The following ADGRL1 variants were observed in gnomAD, a reference collection of about 807,000 sequenced individuals.
The protein encoded by ADGRL1 is adhesion G protein-coupled receptor L1.
In ADGRL1, 31 loss-of-function variants were observed where a neutral mutation model predicts 148.9. That is an observed-to-expected ratio of 0.21 (90% CI 0.16 to 0.28). The LOEUF is 0.28. ADGRL1 is among the 10% of genes least tolerant of loss of function. The pLI, the probability that ADGRL1 is intolerant of heterozygous loss-of-function variation, is 1.00. For synonymous variants in ADGRL1, 937 were observed against 900.3 expected, an observed-to-expected ratio of 1.04 and a Z score of -0.73; for missense variants, 1,521 against 2,058.8, an observed-to-expected ratio of 0.74 and a Z score of 5.05.
At chr19:14,178,845 G>C (rs182236730) in intron 2 of ADGRL1, among the ~76,000 whole-genome samples, 1 of 152,198 alleles carries the variant, frequency 6.6e-6, no homozygotes. Flanking sequence ...AGTGTACAGG[G>C]GGAAGACAAT....
At position 14,160,763 on chromosome 19, in the gene ADGRL1, AGGGGGAAAGGAGATGACAGAGAGT is replaced by A; in HGVS notation, c.1511-91_1511-68del. The A allele has an allele frequency of 1.1e-6, 1 of 901,518 alleles. No homozygotes were observed. Among genetic ancestry groups the A allele is most frequent in the Non-Finnish European group, 1.8e-6 (1 of 544,066 alleles). 55.8% of individuals were successfully genotyped at this position (901,518 alleles called of 1,614,324 possible). A position where few individuals can be genotyped will look rare whatever the true frequency, so the allele number is the denominator to read the frequency against. On this transcript the variant is annotated intron_variant, in intron 6 of 22. Coordinates refer to ENST00000361434, the MANE Select transcript of ADGRL1 (RefSeq NM_014921.5). This position sits in a 1 kb window ranked among gnomAD's most constrained non-coding sequence, Gnocchi z 5.9. ...GGAAGAAGAGAAGGATGGGACAGAG[AGGGGGAAAGGAGATGACAGAGAGT>A]GGGGGACGAGCGGGCGAAGAGGGAG...
chr19:14,194,347 G>A (rs1972126371), intron 1 of ADGRL1, among the ~76,000 whole-genome samples: 1 of 152,206 alleles, frequency 6.6e-6, no homozygotes, highest in South Asian at 2.1e-4. Context: ...CAGAGATGGG[G>A]GCAAGGGCCT....
chr19:14,202,560 G>A (rs954435465), intron 1 of ADGRL1, among the ~76,000 whole-genome samples: 4 of 152,152 alleles, frequency 2.6e-5, no homozygotes, highest in African/African-American at 9.7e-5. Flanking sequence ...GCTGATAGGA[G>A]AGCTTTGATG....
intron 1 of ADGRL1, among the ~76,000 whole-genome samples, chr19:14,184,232 G>A (rs1036377554): frequency 1.3e-5 from 2 of 152,114 alleles, no homozygotes; most frequent in African/African-American, 2.4e-5. Flanking sequence ...AACCAGGGAC[G>A]CCCGAGTCCC....
chr19:14,204,011 C>T (rs1245491550), intron 1 of ADGRL1, among the ~76,000 whole-genome samples: 3 of 151,324 alleles, frequency 2.0e-5, no homozygotes, highest in African/African-American at 7.3e-5. Flanking sequence ...TGAGCGCACA[C>T]GTATGTCGCA....
At chr19:14,171,858 C>G (rs1970495282) in intron 3 of ADGRL1, among the ~76,000 whole-genome samples, 1 of 152,218 alleles carries the variant, frequency 6.6e-6, no homozygotes, top group South Asian at 2.1e-4. Context: ...CTGTCTGTCC[C>G]CACTGTCAGG....
At chr19:14,154,042 C>G (rs1321520256) in intron 18 of ADGRL1, among the ~76,000 whole-genome samples, 1 of 151,988 alleles carries the variant, frequency 6.6e-6, no homozygotes, top group Admixed American at 6.5e-5. Context: ...CCTGAGGGTC[C>G]ACATCTAGGT....
At chr19:14,183,948 G>C (rs1306222327) in intron 1 of ADGRL1, among the ~76,000 whole-genome samples, 1 of 152,154 alleles carries the variant, frequency 6.6e-6, no homozygotes, top group East Asian at 1.9e-4. Context: ...GAACCTCCTG[G>C]GACAGCTCAC....
chr19:14,158,422 T>C lies in ADGRL1; in HGVS notation c.2280A>G (p.Ser760=). Residue 760 remains serine (S), a synonymous_variant, in exon 12 of 23, where the codon TCA becomes TCG. Transcript: ENST00000361434. ...GPGGASLVVN[S]QVIAASINKE... ...TGTTGATGGATGCTGCGATGACCTG[T>C]GAGTTCACCACTAGAGAGGCGCCCC... 6.2e-7 allele frequency: 1 copy of C among 1,613,776 alleles called. No homozygotes were observed. The highest frequency in any genetic ancestry group is 2.2e-5 in the East Asian group (1 of 44,874).
intron 3 of ADGRL1, among the ~76,000 whole-genome samples, chr19:14,171,443 AAAC>A (rs1970462559): frequency 2.6e-5 from 4 of 152,112 alleles, no homozygotes; most frequent in African/African-American, 9.7e-5. Flanking sequence ...GTCACCCGCT[AAAC>A]AGTGCTTTCC....
At chr19:14,186,129 G>C (rs949320256) in intron 1 of ADGRL1, among the ~76,000 whole-genome samples, 12 of 152,228 alleles carry the variant, frequency 7.9e-5, no homozygotes, top group Admixed American at 6.5e-4. Flanking sequence ...TGAAATCATG[G>C]CTCACTGCAG....
Position 14,156,589 on chromosome 19 carries a change from A to G in ADGRL1, c.3033+69T>C, listed in dbSNP as rs866947767. The G allele has an allele frequency of 4.3e-3, 3,418 of 795,916 alleles. 106 individuals are homozygous for G. In the African/African-American group the frequency reaches 0.13, roughly 31 times the overall value. The allele number at this position is 795,916 out of a possible 1,614,324, so 49.3% of individuals were successfully genotyped here. A position where few individuals can be genotyped will look rare whatever the true frequency, so the allele number is the denominator to read the frequency against. Reference sequence around the variant, plus strand: ...TGTGGGGGGGGTGGGGGGCGGGGGCAGGGGCTGGGGTCAAGGCCAGCCTGG... The same window carrying G: ...TGTGGGGGGGGTGGGGGGCGGGGGCGGGGGCTGGGGTCAAGGCCAGCCTGG... On this transcript the variant is annotated intron_variant, in intron 16 of 22. Transcript: ENST00000361434.
At chr19:14,168,785 G>C (rs568932497) in intron 4 of ADGRL1, 1 of 151,866 alleles carries the variant, frequency 6.6e-6, no homozygotes, top group South Asian at 2.1e-4. Flanking sequence ...AGCAATAATC[G>C]TAATTGACAA....
chr19:14,179,712 G>C (rs893865479), intron 2 of ADGRL1, among the ~76,000 whole-genome samples: 1 of 151,778 alleles, frequency 6.6e-6, no homozygotes, highest in African/African-American at 2.4e-5. Context: ...TTTGAGACCA[G>C]CCTGGCCAAC....
At chr19:14,189,772 G>A (rs771952272) in intron 1 of ADGRL1, among the ~76,000 whole-genome samples, 1 of 152,110 alleles carries the variant, frequency 6.6e-6, no homozygotes, top group Non-Finnish European at 1.5e-5. Context: ...TCTATTTAAG[G>A]TTACATGATA....
At position 14,162,194 on chromosome 19, in the gene ADGRL1, G is replaced by A. The variant is rs936844771; in HGVS notation, c.1195+412C>T. On this transcript the variant is annotated intron_variant, in intron 5 of 22. Coordinates refer to ENST00000361434, the MANE Select transcript of ADGRL1 (RefSeq NM_014921.5). The surrounding 1 kb of genome is among the most constrained non-coding windows in gnomAD (Gnocchi z 5.4). Reference sequence around the variant, plus strand: ...AAGACTGCAGAGTTGCCCTCAGCCCGGTCAGCATCAGCAGCTCAGCTCTTT... The same window carrying A: ...AAGACTGCAGAGTTGCCCTCAGCCCAGTCAGCATCAGCAGCTCAGCTCTTT... Among the ~76,000 whole-genome samples, 2 of 152,130 alleles carry A rather than the reference G, an allele frequency of 1.3e-5. No individual in the cohort carries two copies. Among genetic ancestry groups the A allele is most frequent in the African/African-American group, 4.8e-5 (2 of 41,434 alleles).
At chr19:14,168,828 G>A (rs780203150) in intron 4 of ADGRL1, 18 of 152,206 alleles carry the variant, frequency 1.2e-4, no homozygotes, top group African/African-American at 4.3e-4. Flanking sequence ...CAAAAGCAAC[G>A]ACTACCAAGT....
intron 15 of ADGRL1, 79 bp from the exon 16 acceptor site, chr19:14,156,803 C>T (rs756543512): frequency 2.2e-5 from 34 of 1,527,002 alleles, no homozygotes; most frequent in Middle Eastern, 1.9e-4. Context: ...TAGGACTCTG[C>T]AGGCTGCAGC....
intron 2 of ADGRL1, among the ~76,000 whole-genome samples, chr19:14,178,559 C>T (rs949922242): frequency 6.6e-6 from 1 of 152,094 alleles, no homozygotes; most frequent in African/African-American, 2.4e-5. Context: ...TCCTCTGTCA[C>T]CCAGGCTGGA....
Sources: allele counts gnomAD v4.1 joint callset (sites outside exome capture counted in the v4.1 genomes callset), GRCh38; gene constraint gnomAD v4.1.1; non-coding constraint Gnocchi (gnomAD v3.1); transcripts MANE v1.5; gene names NCBI Gene and HGNC (gene_info 2026-07-23, HGNC 2026-07-21).